The following RABGAP1L variants were observed in gnomAD, a reference collection of about 807,000 sequenced individuals.
The protein encoded by RABGAP1L is rab GTPase-activating protein 1-like.
Under a neutral mutation model 137.7 loss-of-function variants are expected in RABGAP1L, and 63 were observed. The observed-to-expected ratio is 0.46, with a 90% CI of 0.37 to 0.56. The LOEUF is 0.56. Among genes scored for constraint, RABGAP1L ranks in the 20% least tolerant of loss-of-function variants. RABGAP1L has a pLI of 0.00. For synonymous variants in RABGAP1L, 431 were observed against 433.7 expected, an observed-to-expected ratio of 0.99 and a Z score of 0.08; for missense variants, 1,095 against 1,244.0, an observed-to-expected ratio of 0.88 and a Z score of 1.80.
chr1:174,566,855 T>C lies in RABGAP1L; in HGVS notation c.1711-70520T>C, dbSNP rs533027582. 1.2e-4 allele frequency among the ~76,000 whole-genome samples: 19 copies of C among 152,196 alleles called. No individual in the cohort carries two copies. In the South Asian group the frequency reaches 1.9e-3, roughly 15 times the overall value. On this transcript the variant is annotated intron_variant, in intron 13 of 25. Coordinates refer to ENST00000681986, the MANE Select transcript of RABGAP1L (RefSeq NM_001366446.1). The stretch of plus-strand genomic sequence containing the variant: ...TTTTCATTTGCTATTGGCCACAGGT[T>C]TGAAAAGAGTATGAAACAACTATGT...
At chr1:174,217,587 A>G (rs1669434658) in intron 1 of RABGAP1L, among the ~76,000 whole-genome samples, 1 of 152,170 alleles carries the variant, frequency 6.6e-6, no homozygotes, top group Non-Finnish European at 1.5e-5. Context: ...TGCAGTCTGG[A>G]AGAGTAAAGA....
chr1:174,441,835 CTT>C (rs79368665), intron 13 of RABGAP1L, among the ~76,000 whole-genome samples: 29 of 138,812 alleles, frequency 2.1e-4, no homozygotes, highest in Middle Eastern at 3.7e-3. Context: ...GCTGCTGAAG[CTT>C]TTTTTTTTTT....
chr1:174,707,235 G>GTTTTGTTTTGTTTTA (rs1680123582), intron 17 of RABGAP1L, among the ~76,000 whole-genome samples: 1 of 151,970 alleles, frequency 6.6e-6, no homozygotes, highest in Non-Finnish European at 1.5e-5. Flanking sequence ...GTTTTGTTTT[G>GTTTTGTTTTGTTTTA]TTTTGTTTTG....
intron 17 of RABGAP1L, among the ~76,000 whole-genome samples, chr1:174,748,706 C>CAA (rs145303382): frequency 4.1e-5 from 6 of 147,864 alleles, no homozygotes; most frequent in East Asian, 4.0e-4. Flanking sequence ...CCCTCTCTAC[C>CAA]AAAAAAAAAG....
intron 1 of RABGAP1L, among the ~76,000 whole-genome samples, chr1:174,170,954 A>G (rs2148230434): frequency 6.6e-6 from 1 of 152,372 alleles, no homozygotes; most frequent in Non-Finnish European, 1.5e-5. Flanking sequence ...GTAATCAGTA[A>G]TGCTATAAAA....
chr1:174,775,277 G>A (rs772443864), intron 18 of RABGAP1L, among the ~76,000 whole-genome samples: 3 of 151,636 alleles, frequency 2.0e-5, no homozygotes, highest in Non-Finnish European at 4.4e-5. Flanking sequence ...GCCATGTGCC[G>A]TGTTAAAATT....
chr1:174,439,628 G>A (rs750291649), intron 13 of RABGAP1L, among the ~76,000 whole-genome samples: 1 of 152,118 alleles, frequency 6.6e-6, no homozygotes, highest in Non-Finnish European at 1.5e-5. Flanking sequence ...GAATATATTA[G>A]GAGGTTAATT....
Position 174,862,895 on chromosome 1 carries a change from ATTCT to A in RABGAP1L, c.2340+50938_2340+50941del, listed in dbSNP as rs778133249. On this transcript the variant is annotated intron_variant, in intron 19 of 25. Transcript: ENST00000681986. Reference sequence around the variant, plus strand: ...TCGGATTTCTGCATTTTTATGATTAATTCTTTTCTTTTTTTTTTAAATGGAGTCT... The same window carrying A: ...TCGGATTTCTGCATTTTTATGATTAATTTCTTTTTTTTTTAAATGGAGTCT... 4.9e-4 allele frequency among the ~76,000 whole-genome samples: 75 copies of A among 151,648 alleles called. 1 individual carries two copies. The highest frequency in any genetic ancestry group is 8.1e-4 in the Non-Finnish European group (55 of 67,824).
intron 13 of RABGAP1L, among the ~76,000 whole-genome samples, chr1:174,509,156 G>T (rs562277908): frequency 6.6e-6 from 1 of 152,196 alleles, no homozygotes; most frequent in African/African-American, 2.4e-5. Context: ...AAAACCTTTT[G>T]CTCAGATACC....
intron 1 of RABGAP1L, among the ~76,000 whole-genome samples, chr1:174,170,449 G>A (rs1665265771): frequency 6.6e-6 from 1 of 151,874 alleles, no homozygotes; most frequent in Non-Finnish European, 1.5e-5. Flanking sequence ...AGTCCGAGGC[G>A]GGCAGATCAC....
chr1:174,504,849 A>G (rs948164340), intron 13 of RABGAP1L, among the ~76,000 whole-genome samples: 1 of 152,220 alleles, frequency 6.6e-6, no homozygotes, highest in Admixed American at 6.5e-5. Context: ...AGCACAAGCA[A>G]CAGAAGCAAA....
chr1:174,493,253 T>C (rs1450758817), intron 13 of RABGAP1L, among the ~76,000 whole-genome samples: 1 of 150,250 alleles, frequency 6.7e-6, no homozygotes, highest in Non-Finnish European at 1.5e-5. Flanking sequence ...TCCTAGCTAC[T>C]TGGGAGACTG....
In RABGAP1L at chr1:174,231,254, TGAAGTAGA is replaced by T; in HGVS notation, c.443_450del (p.Glu148GlyfsTer48). Reference sequence around the variant, plus strand: ...GTATGAAGGTTTCTTCCCCACGTAATGAAGTAGAGGCTTTACGGGCAATGGCAACCATG... The same window carrying T: ...GTATGAAGGTTTCTTCCCCACGTAATGGCTTTACGGGCAATGGCAACCATG... On this transcript the variant is annotated frameshift_variant, in exon 4 of 26. Coordinates refer to ENST00000681986, the MANE Select transcript of RABGAP1L (RefSeq NM_001366446.1). LOFTEE classifies it high-confidence loss of function. The T allele has an allele frequency of 6.2e-7, 1 of 1,614,062 alleles. No individual in the cohort carries two copies. The highest frequency in any genetic ancestry group is 1.1e-5 in the South Asian group (1 of 91,080).
At chr1:174,479,535 C>T (rs1658862938) in intron 13 of RABGAP1L, among the ~76,000 whole-genome samples, 1 of 152,172 alleles carries the variant, frequency 6.6e-6, no homozygotes, top group Non-Finnish European at 1.5e-5. Context: ...TATAGAAATT[C>T]ATGGTCCCTT....
chr1:174,792,162 T>A (rs907648801), intron 18 of RABGAP1L, among the ~76,000 whole-genome samples: 2 of 152,242 alleles, frequency 1.3e-5, no homozygotes, highest in Non-Finnish European at 2.9e-5. Flanking sequence ...CAGTCACTTA[T>A]CTACTGCCTC....
chr1:174,188,845 C>T (rs1667001743), intron 1 of RABGAP1L, among the ~76,000 whole-genome samples: 1 of 152,066 alleles, frequency 6.6e-6, no homozygotes, highest in African/African-American at 2.4e-5. Flanking sequence ...GTAGATTTTG[C>T]ATAATTTTTA....
At chr1:174,223,263 C>CAA (rs1558044980) in intron 3 of RABGAP1L, among the ~76,000 whole-genome samples, 1 of 7,760 alleles carries the variant, frequency 1.3e-4, no homozygotes, top group Non-Finnish European at 3.1e-4. Context: ...GAGACTCTGT[C>CAA]TAAAAAAAAA....
chr1:174,504,947 C>T (rs368168650), intron 13 of RABGAP1L, among the ~76,000 whole-genome samples: 13 of 152,050 alleles, frequency 8.5e-5, no homozygotes, highest in African/African-American at 3.1e-4. Context: ...AGAATGGGTG[C>T]AAATATTTGC....
At chr1:174,278,855 A>AT in intron 10 of RABGAP1L, 76 bp downstream of exon 10, 1 of 1,198,752 alleles carries the variant, frequency 8.3e-7, no homozygotes. Flanking sequence ...TGCCAAGATA[A>AT]TTCCTGAAGT....
Sources: allele counts gnomAD v4.1 joint callset (sites outside exome capture counted in the v4.1 genomes callset), GRCh38; gene constraint gnomAD v4.1.1; transcripts MANE v1.5; gene names NCBI Gene and HGNC (gene_info 2026-07-23, HGNC 2026-07-21).